STK4: variants seen among roughly 807,000 people sequenced by gnomAD.
STK4 encodes serine/threonine-protein kinase 4.
STK4 carries 30 observed loss-of-function variants against 64.9 expected under a neutral mutation model. That is an observed-to-expected ratio of 0.46 (90% CI 0.35 to 0.63). The LOEUF (loss-of-function observed/expected upper bound fraction) is 0.63, where lower values mean the gene tolerates loss of function less well. STK4 is among the 20% of genes least tolerant of loss of function. The pLI, the probability that STK4 is intolerant of heterozygous loss-of-function variation, is 0.01. For synonymous variants in STK4, 177 were observed against 199.0 expected, an observed-to-expected ratio of 0.89 and a Z score of 0.93; for missense variants, 466 against 598.5, an observed-to-expected ratio of 0.78 and a Z score of 2.31.
At chr20:44,990,000 A>G (rs374643314) in intron 5 of STK4, among the ~76,000 whole-genome samples, 1 of 152,128 alleles carries the variant, frequency 6.6e-6, no homozygotes, top group African/African-American at 2.4e-5. Flanking sequence ...TTGTCCTTCT[A>G]TTTCAAGATT....
chr20:45,034,612 G>A (rs75619330), intron 10 of STK4, among the ~76,000 whole-genome samples: 4,270 of 151,962 alleles, frequency 0.028, 186 homozygotes, highest in African/African-American at 0.092. Flanking sequence ...CTGTGATATT[G>A]GCATAAGAAT....
intron 1 of STK4, chr20:44,970,661 A>G (rs925247153): frequency 1.3e-5 from 2 of 152,154 alleles, no homozygotes; most frequent in African/African-American, 2.4e-5. Context: ...TTGATTTTCA[A>G]AGGTCACTGT....
At chr20:45,066,181 T>TATACACACACAC (rs1979553684) in intron 10 of STK4, among the ~76,000 whole-genome samples, 1 of 147,514 alleles carries the variant, frequency 6.8e-6, no homozygotes, top group African/African-American at 2.5e-5. Flanking sequence ...ATTATATATC[T>TATACACACACAC]ACACACACAC....
intron 10 of STK4, among the ~76,000 whole-genome samples, chr20:45,071,306 A>C (rs1980046592): frequency 6.6e-6 from 1 of 152,208 alleles, no homozygotes; most frequent in Non-Finnish European, 1.5e-5. Context: ...AAACTGTAGA[A>C]TCACAGTTAT....
chr20:44,984,891 C>T (rs2067505835), intron 4 of STK4, among the ~76,000 whole-genome samples: 1 of 151,908 alleles, frequency 6.6e-6, no homozygotes, highest in Non-Finnish European at 1.5e-5. Flanking sequence ...AAGTGATCCT[C>T]CTGCCTCAGC....
At chr20:44,982,759 A>G (rs2067463857) in intron 4 of STK4, among the ~76,000 whole-genome samples, 1 of 152,132 alleles carries the variant, frequency 6.6e-6, no homozygotes, top group Non-Finnish European at 1.5e-5. Flanking sequence ...TTTCTTGAAC[A>G]CTGTTTTAGG....
intron 10 of STK4, among the ~76,000 whole-genome samples, chr20:45,049,040 G>A (rs1451009352): frequency 1.3e-5 from 2 of 151,724 alleles, no homozygotes; most frequent in East Asian, 1.9e-4. Context: ...ATTTGTTAAT[G>A]TAAAATAGCT....
At chr20:44,971,975 A>G (rs1440430244) in intron 1 of STK4, 103 bp from the exon 2 acceptor site, 1 of 1,101,570 alleles carries the variant, frequency 9.1e-7, no homozygotes, top group Non-Finnish European at 1.3e-6. Flanking sequence ...TGAAGTCTGT[A>G]TAGAGAAGTT....
At chr20:44,994,628 A>G (rs1180012062) in intron 5 of STK4, among the ~76,000 whole-genome samples, 2 of 151,966 alleles carry the variant, frequency 1.3e-5, no homozygotes, top group African/African-American at 4.8e-5. Flanking sequence ...GTCTTTGTGC[A>G]TATCGTTTGA....
chr20:44,974,115 G>T (rs1002716067), intron 2 of STK4: 2 of 152,198 alleles, frequency 1.3e-5, no homozygotes, highest in African/African-American at 4.8e-5. Flanking sequence ...AGGTCTCACT[G>T]TGTTGCCCAG....
chr20:45,055,194 G>T (rs931525453), intron 10 of STK4, among the ~76,000 whole-genome samples: 1 of 152,126 alleles, frequency 6.6e-6, no homozygotes, highest in South Asian at 2.1e-4. Context: ...GGGAAAACAC[G>T]TATATTCAGA....
chr20:45,036,799 G>T (rs1467082532), intron 10 of STK4, among the ~76,000 whole-genome samples: 1 of 152,128 alleles, frequency 6.6e-6, no homozygotes, highest in Non-Finnish European at 1.5e-5. Context: ...ATTTACGTAT[G>T]GGAAAAAGCT....
intron 3 of STK4, among the ~76,000 whole-genome samples, chr20:44,979,779 T>C (rs972989269): frequency 6.6e-6 from 1 of 152,194 alleles, no homozygotes; most frequent in African/African-American, 2.4e-5. Context: ...TCTTTTTTTT[T>C]CCCTTCTATT....
chr20:45,026,277 G>A (rs1288246622), intron 10 of STK4, among the ~76,000 whole-genome samples: 1 of 150,876 alleles, frequency 6.6e-6, no homozygotes, highest in South Asian at 2.1e-4. Context: ...AGCAACTATT[G>A]TAAAAAATAT....
At chr20:45,010,566 C>T (rs1157992231) in intron 9 of STK4, among the ~76,000 whole-genome samples, 1 of 151,894 alleles carries the variant, frequency 6.6e-6, no homozygotes, top group Non-Finnish European at 1.5e-5. Flanking sequence ...CAGTTGAAAC[C>T]CAGTTGCAGA....
intron 5 of STK4, among the ~76,000 whole-genome samples, chr20:44,990,647 G>A (rs192407248): frequency 2.0e-5 from 3 of 152,142 alleles, no homozygotes; most frequent in Non-Finnish European, 2.9e-5. Flanking sequence ...ACATGTTAAT[G>A]CTCATTTAAT....
At chr20:45,067,422 G>T (rs1979671713) in intron 10 of STK4, among the ~76,000 whole-genome samples, 2 of 152,190 alleles carry the variant, frequency 1.3e-5, no homozygotes, top group South Asian at 2.1e-4. Context: ...GCTCTGGCAG[G>T]TCTCTCTTTG....
intron 9 of STK4, among the ~76,000 whole-genome samples, chr20:45,014,517 AAG>A (rs2068106771): frequency 2.0e-5 from 3 of 152,216 alleles, no homozygotes. Context: ...AATATTTAAA[AAG>A]TATATATTTG....
At chr20:44,981,083 A>G (rs1015193816) in intron 3 of STK4, among the ~76,000 whole-genome samples, 4 of 152,162 alleles carry the variant, frequency 2.6e-5, no homozygotes, top group Admixed American at 6.5e-5. Flanking sequence ...GTGTAAACAC[A>G]GTATCTTCTC....
Sources: gnomAD v4.1 joint callset for allele counts (sites outside exome capture counted in the v4.1 genomes callset) on GRCh38, gnomAD v4.1.1 for gene constraint, MANE v1.5 for transcripts, NCBI Gene and HGNC (gene_info 2026-07-23, HGNC 2026-07-21) for gene names.